Variants in SDHA observed in about 807,000 individuals in gnomAD.
SDHA encodes the protein succinate dehydrogenase complex flavoprotein subunit A.
A neutral mutation model predicts 78.4 loss-of-function variants in SDHA; 48 were observed. The ratio of observed to expected loss-of-function variants is 0.61; its 90% CI spans 0.49 to 0.78. The LOEUF (loss-of-function observed/expected upper bound fraction) is 0.78, where lower values mean the gene tolerates loss of function less well. Ranked by LOEUF, SDHA falls within the 30% of genes least tolerant of loss-of-function variation. SDHA has a pLI of 0.00. For synonymous variants in SDHA, 326 were observed against 353.9 expected, an observed-to-expected ratio of 0.92 and a Z score of 0.88; for missense variants, 680 against 892.7, an observed-to-expected ratio of 0.76 and a Z score of 3.04.
intron 6 of SDHA, among the ~76,000 whole-genome samples, chr5:230,198 T>C (rs554089981): frequency 9.7e-4 from 147 of 152,112 alleles, no homozygotes; most frequent in Non-Finnish European, 1.7e-3. Flanking sequence ...CATAAATATA[T>C]AGTTTTTTTT....
chr5:222,966 G>T (rs1249321842), intron 1 of SDHA, among the ~76,000 whole-genome samples: 3 of 152,204 alleles, frequency 2.0e-5, no homozygotes, highest in Admixed American at 1.3e-4. Context: ...TAGGCTGTCA[G>T]CTTTTACTGT....
chr5:235,282 T>C lies in SDHA; in HGVS notation c.1203T>C (p.Pro401=), dbSNP rs1553999484. 2.7e-5 allele frequency: 43 copies of C among 1,614,160 alleles called. No individual in the cohort carries two copies. The highest frequency in any genetic ancestry group is 3.5e-5 in the Non-Finnish European group (41 of 1,180,014). The change falls in exon 9 of 15, where the codon CCT becomes CCC. Residue 401 remains proline, a synonymous_variant. Transcript: ENST00000264932. ...TGGACGTCACGAAGGAGCCGATCCC[T>C]GTCCTCCCCACCGTGCATTATAACA... The part of the protein sequence containing the change: ...AGVDVTKEPI[P]VLPTVHYNMG...
chr5:235,957 C>A (rs1205740588), intron 9 of SDHA: 1 of 246,724 alleles, frequency 4.1e-6, no homozygotes, highest in African/African-American at 2.3e-5. Flanking sequence ...GGGATACCTT[C>A]GGAAGCTTCC....
In SDHA at chr5:235,196, C is replaced by T. The variant is rs1289573477; in HGVS notation, c.1117C>T (p.Pro373Ser). ...CTACCTGCAGCTGCACCACCTACCTCCAGAGCAGCTGGCCACGCGCCTGCC... is the reference window on the plus strand; with the variant it reads ...CTACCTGCAGCTGCACCACCTACCTTCAGAGCAGCTGGCCACGCGCCTGCC... Reference protein sequence around the residue: ...HVYLQLHHLPPEQLATRLPGI... With the variant: ...HVYLQLHHLPSEQLATRLPGI... The change falls in exon 9 of 15, where the codon CCA becomes TCA. Residue 373 changes from proline to serine, a missense_variant. Pro to Ser is a moderately conservative substitution (Grantham distance 74). Coordinates refer to ENST00000264932, the MANE Select transcript of SDHA (RefSeq NM_004168.4). 1.2e-6 allele frequency: 2 copies of T among 1,614,010 alleles called. No homozygotes were observed. Among genetic ancestry groups the T allele is most frequent in the Non-Finnish European group, 1.7e-6 (2 of 1,179,868 alleles).
At chr5:247,494 C>T (rs994917219) in intron 11 of SDHA, among the ~76,000 whole-genome samples, 1 of 152,212 alleles carries the variant, frequency 6.6e-6, no homozygotes, top group African/African-American at 2.4e-5. Flanking sequence ...TGGTCTCAAA[C>T]GCAGATACAG....
At chr5:229,738 TAGTTAACATTATACAGCATGGTGGTTAG>T (rs1735266798) in intron 6 of SDHA, among the ~76,000 whole-genome samples, 12 of 142,890 alleles carry the variant, frequency 8.4e-5, no homozygotes, top group African/African-American at 2.4e-4. Context: ...ATGGTGGCTA[TAGTTAACATTATACAGCATGGTGGTTAG>T]AGTTAACATT....
chr5:266,149 G>A, the SDHA span, among the ~76,000 whole-genome samples: 77 of 152,342 alleles, frequency 5.1e-4, no homozygotes, highest in African/African-American at 1.8e-3. Flanking sequence ...ACATGTAATG[G>A]GATGACTTGG....
chr5:225,572 G>T lies in SDHA; in HGVS notation c.456+10G>T. Reference sequence around the variant, plus strand: ...CGCCGCCGTGGTCGAGGTGATGGGCGGGAGGCTCTGGGTGTTCTCGTGGTC... The same window carrying T: ...CGCCGCCGTGGTCGAGGTGATGGGCTGGAGGCTCTGGGTGTTCTCGTGGTC... On this transcript the variant is annotated intron_variant, in intron 4 of 14. Transcript: ENST00000264932. The T allele has an allele frequency of 6.2e-7, 1 of 1,613,838 alleles. No homozygotes were observed. Among genetic ancestry groups the T allele is most frequent in the Non-Finnish European group, 8.5e-7 (1 of 1,179,816 alleles).
intron 5 of SDHA, 163 bp from the exon 6 acceptor site, chr5:228,022 C>T: frequency 2.8e-6 from 2 of 707,176 alleles, no homozygotes; most frequent in South Asian, 3.1e-5. Flanking sequence ...GCGTGGAATG[C>T]CTCTCGGGCT....
At chr5:248,385 G>A (rs9716070) in intron 11 of SDHA, among the ~76,000 whole-genome samples, 36,691 of 152,170 alleles carry the variant, frequency 0.24, 6,883 homozygotes, top group African/African-American at 0.53. Flanking sequence ...TGAGGAAAGC[G>A]GGACAACCAG....
At chr5:254,789 G>A (rs563204210) in intron 14 of SDHA, among the ~76,000 whole-genome samples, 1 of 152,190 alleles carries the variant, frequency 6.6e-6, no homozygotes, top group East Asian at 1.9e-4. Context: ...TCCAAGGCCT[G>A]GTGGTAGGGG....
rs750384205 is a variant in SDHA at position 235,356 on chromosome 5, C to G, written c.1260+17C>G. On this transcript the variant is annotated intron_variant, in intron 9 of 14. Coordinates refer to ENST00000264932, the MANE Select transcript of SDHA (RefSeq NM_004168.4). ...AAGGGGCAGGTGATGGTGCTGGCTC[C>G]TCCCCCACAGCTGGAAAGAAGGCTG... 37 of 1,613,586 alleles carry G rather than the reference C, an allele frequency of 2.3e-5. No homozygotes were observed. The East Asian group carries it at 8.2e-4, about 36-fold the overall frequency.
At chr5:261,702 G>A (rs530799126), downstream of SDHA, among the ~76,000 whole-genome samples, 2 of 49,524 alleles carry the variant, frequency 4.0e-5, no homozygotes, top group South Asian at 6.6e-4. Context: ...TGTGAGCTCC[G>A]CCTCCCGGCA....
chr5:251,173 C>T (rs1386222896), intron 12 of SDHA, 70 bp downstream of exon 12: 10 of 1,559,478 alleles, frequency 6.4e-6, no homozygotes, highest in African/African-American at 1.4e-5. Flanking sequence ...GTGTCTGTCC[C>T]GTCAGTGCTG....
chr5:233,619 C>T lies in SDHA; in HGVS notation c.1038C>T (p.Ser346=), dbSNP rs1041949. 7 of 1,613,852 alleles carry T rather than the reference C, an allele frequency of 4.3e-6. No individual in the cohort carries two copies. The highest frequency in any genetic ancestry group is 5.1e-6 in the Non-Finnish European group (6 of 1,179,908). The part of the protein sequence containing the change: ...DLASRDVVSR[S]MTLEIREGRG... Reference sequence around the variant, plus strand: ...CGTCTAGAGATGTGGTGTCTCGGTCCATGACTCTGGAGATCCGAGAAGGAA... The same window carrying T: ...CGTCTAGAGATGTGGTGTCTCGGTCTATGACTCTGGAGATCCGAGAAGGAA... Residue 346 remains serine, a synonymous_variant, in exon 8 of 15, where the codon TCC becomes TCT. Coordinates refer to ENST00000264932, the MANE Select transcript of SDHA (RefSeq NM_004168.4).
intron 10 of SDHA, among the ~76,000 whole-genome samples, chr5:240,064 C>T (rs977320700): frequency 4.6e-5 from 7 of 152,132 alleles, no homozygotes; most frequent in Non-Finnish European, 8.8e-5. Flanking sequence ...CCACCGCACC[C>T]GGCCTACATT....
chr5:263,652 G>C, the SDHA span, among the ~76,000 whole-genome samples: 1 of 152,178 alleles, frequency 6.6e-6, no homozygotes, highest in East Asian at 1.9e-4. Flanking sequence ...CAAAAACAAA[G>C]GTGAAACTAG....
At chr5:241,914 C>G (rs1736166066) in intron 11 of SDHA, among the ~76,000 whole-genome samples, 1 of 152,208 alleles carries the variant, frequency 6.6e-6, no homozygotes. Context: ...TGGAGGCCAG[C>G]TGGGAAAGAA....
intron 7 of SDHA, among the ~76,000 whole-genome samples, chr5:231,720 G>GTTT (rs1376512935): frequency 6.6e-6 from 1 of 151,570 alleles, no homozygotes; most frequent in Non-Finnish European, 1.5e-5. Context: ...AACATTCTGA[G>GTTT]AGCTGGGAGA....
Sources: allele counts gnomAD v4.1 joint callset (sites outside exome capture counted in the v4.1 genomes callset), GRCh38; gene constraint gnomAD v4.1.1; transcripts MANE v1.5; gene names NCBI Gene and HGNC (gene_info 2026-07-23, HGNC 2026-07-21).